AUH: variants seen among roughly 807,000 people sequenced by gnomAD.
The protein encoded by AUH is AU RNA binding methylglutaconyl-CoA hydratase, also known as methylglutaconyl-CoA hydratase, mitochondrial.
In AUH, 29 loss-of-function variants were observed where a neutral mutation model predicts 42.3. The observed-to-expected ratio is 0.69, with a 90% CI of 0.51 to 0.93. AUH has a LOEUF of 0.93. AUH is among the 40% of genes least tolerant of loss of function. The pLI is 0.00. For missense variants in AUH, 452 were observed against 438.1 expected (o/e 1.03, Z -0.28); for synonymous variants, 174 against 166.4 (o/e 1.05, Z -0.35).
chr9:91,282,271 G>A (rs991861140), intron 6 of AUH, among the ~76,000 whole-genome samples: 5 of 152,054 alleles, frequency 3.3e-5, no homozygotes, highest in African/African-American at 1.2e-4. Context: ...CCTTTTAAAT[G>A]GGGTTTGCTC....
At chr9:91,358,285 T>G (rs1164806918) in intron 1 of AUH, among the ~76,000 whole-genome samples, 1 of 152,160 alleles carries the variant, frequency 6.6e-6, no homozygotes, top group African/African-American at 2.4e-5. Context: ...GTAAAGCTCA[T>G]GAGTTTCTGT....
chr9:91,227,663 C>G (rs1464703771), intron 6 of AUH, among the ~76,000 whole-genome samples: 14 of 143,830 alleles, frequency 9.7e-5, no homozygotes, highest in Non-Finnish European at 2.1e-4. Context: ...AGTTTTTGCC[C>G]ATTCAGTATG....
rs747819278 is a variant in AUH at position 91,361,732 on chromosome 9, C to A, written c.158G>T (p.Gly53Val). 2.5e-5 allele frequency: 38 copies of A among 1,548,102 alleles called. No individual in the cohort carries two copies. Among genetic ancestry groups the A allele is most frequent in the Non-Finnish European group, 2.9e-5 (33 of 1,146,474 alleles). Reference protein sequence around the residue: ...RRAGPAIWAQGWVPAAGGPAP... With the variant: ...RRAGPAIWAQVWVPAAGGPAP... ...GGGACCCCCGGCCGCAGGTACCCAG[C>A]CCTGGGCCCAGATCGCCGGGCCCGC... Residue 53 changes from glycine to valine, a missense_variant, in exon 1 of 10, where the codon GGC becomes GTC. Coordinates refer to ENST00000375731, the MANE Select transcript of AUH (RefSeq NM_001698.3).
chr9:91,288,182 C>G (rs201458849), intron 6 of AUH, among the ~76,000 whole-genome samples: 1 of 152,010 alleles, frequency 6.6e-6, no homozygotes. Flanking sequence ...ACACAGACCC[C>G]AAAACCTCCA....
intron 6 of AUH, among the ~76,000 whole-genome samples, chr9:91,243,347 A>C (rs1292173415): frequency 6.6e-6 from 1 of 152,244 alleles, no homozygotes; most frequent in East Asian, 1.9e-4. Context: ...AAAAGGAAAA[A>C]TGAATTATTA....
At chr9:91,287,582 T>C (rs1826518274) in intron 6 of AUH, among the ~76,000 whole-genome samples, 1 of 152,142 alleles carries the variant, frequency 6.6e-6, no homozygotes, top group Non-Finnish European at 1.5e-5. Flanking sequence ...ATTTATACTA[T>C]CTTTGTAACT....
intron 1 of AUH, among the ~76,000 whole-genome samples, chr9:91,357,143 G>C (rs753534609): frequency 3.3e-5 from 5 of 152,188 alleles, no homozygotes; most frequent in East Asian, 1.9e-4. Context: ...CTATCTGACA[G>C]GATCTGTATT....
intron 5 of AUH, among the ~76,000 whole-genome samples, chr9:91,297,265 G>A (rs958332484): frequency 6.6e-6 from 1 of 152,194 alleles, no homozygotes; most frequent in African/African-American, 2.4e-5. Context: ...GGGTTGTTAT[G>A]CAGATGGAGT....
chr9:91,345,109 G>A (rs1038345373), intron 3 of AUH, among the ~76,000 whole-genome samples: 1 of 151,846 alleles, frequency 6.6e-6, no homozygotes, highest in African/African-American at 2.4e-5. Context: ...ATACTTAGTA[G>A]TAAAAGACTG....
intron 6 of AUH, among the ~76,000 whole-genome samples, chr9:91,230,896 A>C (rs1203345752): frequency 6.6e-6 from 1 of 152,160 alleles, no homozygotes; most frequent in Non-Finnish European, 1.5e-5. Context: ...CCACTTGAGG[A>C]GGCAGTCTGC....
In AUH at chr9:91,289,750, C is replaced by A. The variant is rs549313577; in HGVS notation, c.655+6271G>T. On this transcript the variant is annotated intron_variant, in intron 6 of 9. Coordinates refer to ENST00000375731, the MANE Select transcript of AUH (RefSeq NM_001698.3). Reference sequence around the variant, plus strand: ...AAAGGAAAGAGGAGAAAGGAGATGGCAAAAATATCTATGGATAAAAAATCT... The same window carrying A: ...AAAGGAAAGAGGAGAAAGGAGATGGAAAAAATATCTATGGATAAAAAATCT... Among the ~76,000 whole-genome samples, 65 of 152,068 alleles carry A rather than the reference C, an allele frequency of 4.3e-4. 1 individual carries two copies. The highest frequency in any genetic ancestry group is 1.5e-3 in the African/African-American group (62 of 41,448).
At chr9:91,301,128 T>A (rs1338131185) in intron 4 of AUH, among the ~76,000 whole-genome samples, 1 of 152,190 alleles carries the variant, frequency 6.6e-6, no homozygotes, top group South Asian at 2.1e-4. Context: ...ACATATGCAG[T>A]CCTATGGAGC....
chr9:91,355,488 C>T (rs1406687792), intron 3 of AUH, among the ~76,000 whole-genome samples: 11 of 151,202 alleles, frequency 7.3e-5, no homozygotes, highest in Admixed American at 5.3e-4. Context: ...ACTGGGGAGA[C>T]GAGGGTTGCA....
chr9:91,338,856 A>G (rs1255066698), intron 3 of AUH, among the ~76,000 whole-genome samples: 1 of 152,202 alleles, frequency 6.6e-6, no homozygotes, highest in Non-Finnish European at 1.5e-5. Context: ...AGACTCACTA[A>G]CACCCTCAAG....
intron 6 of AUH, among the ~76,000 whole-genome samples, chr9:91,249,326 A>G (rs1013789369): frequency 6.8e-6 from 1 of 147,988 alleles, no homozygotes; most frequent in Non-Finnish European, 1.5e-5. Flanking sequence ...AAAAAAAAGA[A>G]CACAATATTT....
At chr9:91,269,258 C>T (rs150044218) in intron 6 of AUH, among the ~76,000 whole-genome samples, 8 of 152,336 alleles carry the variant, frequency 5.3e-5, no homozygotes, top group East Asian at 1.9e-4. Context: ...GCATTATAGG[C>T]GTGAGCCACC....
At chr9:91,306,827 A>C (rs1054289601) in intron 4 of AUH, among the ~76,000 whole-genome samples, 4 of 152,226 alleles carry the variant, frequency 2.6e-5, no homozygotes, top group Non-Finnish European at 4.4e-5. Context: ...CCATAAACGT[A>C]AGGGTAGTGA....
chr9:91,328,930 CCT>C (rs1010431238), intron 3 of AUH, among the ~76,000 whole-genome samples: 19 of 152,278 alleles, frequency 1.2e-4, no homozygotes, highest in South Asian at 1.2e-3. Flanking sequence ...GCAGTTGCTC[CCT>C]GTTTCCATCC....
At chr9:91,242,900 A>G (rs1200803629) in intron 6 of AUH, among the ~76,000 whole-genome samples, 2 of 152,236 alleles carry the variant, frequency 1.3e-5, no homozygotes, top group East Asian at 3.8e-4. Flanking sequence ...ACATGAAGAC[A>G]AGAATGTTTC....
Sources: gnomAD v4.1 joint callset for allele counts (sites outside exome capture counted in the v4.1 genomes callset) on GRCh38, gnomAD v4.1.1 for gene constraint, MANE v1.5 for transcripts, NCBI Gene and HGNC (gene_info 2026-07-23, HGNC 2026-07-21) for gene names.